Variants in PDE4B observed in about 807,000 individuals in gnomAD.
PDE4B encodes phosphodiesterase 4B.
In PDE4B, 20 loss-of-function variants were observed where a neutral mutation model predicts 82.2. The observed-to-expected ratio is 0.24, with a 90% confidence interval of 0.17 to 0.35. The LOEUF (loss-of-function observed/expected upper bound fraction) is 0.35. PDE4B is among the 10% of genes least tolerant of loss of function. PDE4B has a pLI of 1.00. For synonymous variants in PDE4B, 320 were observed against 318.9 expected, an observed-to-expected ratio of 1.00 and a Z score of -0.04; for missense variants, 655 against 907.2, an observed-to-expected ratio of 0.72 and a Z score of 3.57.
At chr1:66,166,702 C>G (rs1042928806) in intron 3 of PDE4B, among the ~76,000 whole-genome samples, 11 of 150,206 alleles carry the variant, frequency 7.3e-5, no homozygotes. Flanking sequence ...CCACTGCACT[C>G]CAGCCTGGGC....
chr1:66,254,229 A>G (rs1434431907), intron 4 of PDE4B, among the ~76,000 whole-genome samples: 1 of 152,170 alleles, frequency 6.6e-6, no homozygotes, highest in African/African-American at 2.4e-5. Context: ...CTAAAAAAAA[A>G]GAAAGAAAGA....
intron 3 of PDE4B, among the ~76,000 whole-genome samples, chr1:66,063,778 A>C (rs1180646050): frequency 6.6e-6 from 1 of 151,968 alleles, no homozygotes; most frequent in Non-Finnish European, 1.5e-5. Context: ...CGTTTCTTAA[A>C]TTTAAAAGTA....
chr1:65,872,835 T>A (rs545655815), intron 1 of PDE4B, among the ~76,000 whole-genome samples: 66 of 152,330 alleles, frequency 4.3e-4, no homozygotes, highest in Non-Finnish European at 8.1e-4. Flanking sequence ...TCATGTGATA[T>A]TCACAACTTC....
chr1:66,351,329 G>C (rs10493403), intron 8 of PDE4B, among the ~76,000 whole-genome samples: 12,117 of 152,232 alleles, frequency 0.08, 1,293 homozygotes, highest in African/African-American at 0.24. Context: ...ATGTGTTCCT[G>C]TTTGTGGATT....
chr1:66,139,556 G>A (rs1570324363), intron 3 of PDE4B, among the ~76,000 whole-genome samples: 1 of 152,092 alleles, frequency 6.6e-6, no homozygotes, highest in African/African-American at 2.4e-5. Flanking sequence ...CCTATCATAA[G>A]GTCTGTAACC....
At chr1:65,892,817 C>T (rs1215482674) in intron 1 of PDE4B, among the ~76,000 whole-genome samples, 1 of 152,070 alleles carries the variant, frequency 6.6e-6, no homozygotes. Flanking sequence ...GCATTACTCC[C>T]TTCTCTTTTT....
chr1:66,183,201 G>A (rs186321499), intron 3 of PDE4B, among the ~76,000 whole-genome samples: 73 of 152,116 alleles, frequency 4.8e-4, no homozygotes, highest in Non-Finnish European at 9.3e-4. Context: ...GACAATGATA[G>A]GAACACAGAG....
intron 3 of PDE4B, among the ~76,000 whole-genome samples, chr1:66,189,246 C>G (rs1185218769): frequency 1.3e-5 from 2 of 152,038 alleles, no homozygotes; most frequent in Non-Finnish European, 2.9e-5. Context: ...CCTGACCTTT[C>G]TCTCTGGCTG....
intron 3 of PDE4B, among the ~76,000 whole-genome samples, chr1:66,200,203 A>G (rs1318199461): frequency 1.3e-5 from 2 of 152,128 alleles, no homozygotes; most frequent in Non-Finnish European, 2.9e-5. Context: ...CCATTGGTCT[A>G]TATCTCTGTT....
intron 3 of PDE4B, among the ~76,000 whole-genome samples, chr1:66,108,364 G>C (rs966969873): frequency 1.3e-5 from 2 of 151,820 alleles, no homozygotes; most frequent in Non-Finnish European, 2.9e-5. Flanking sequence ...GAAAACATAG[G>C]GGAAAAGCTT....
rs551450621 is a variant in PDE4B at position 65,792,931 on chromosome 1, C to A, written c.-388C>A. On this transcript the variant is annotated 5_prime_UTR_variant, in exon 1 of 17. Coordinates refer to ENST00000341517, the MANE Select transcript of PDE4B (RefSeq NM_002600.4). ...GAAGAGCTGAGGGGCGCGTCGCCAGCGCCTGTGTCTCCCTGGCGCGGGTTC... is the reference window on the plus strand; with the variant it reads ...GAAGAGCTGAGGGGCGCGTCGCCAGAGCCTGTGTCTCCCTGGCGCGGGTTC... Among the ~76,000 whole-genome samples the A allele has an allele frequency of 2.0e-5, 3 of 152,006 alleles. No individual in the cohort carries two copies. Among genetic ancestry groups the A allele is most frequent in the Admixed American group, 1.3e-4 (2 of 15,284 alleles).
chr1:66,290,726 C>T (rs1657011239), intron 7 of PDE4B, among the ~76,000 whole-genome samples: 2 of 152,148 alleles, frequency 1.3e-5, no homozygotes, highest in African/African-American at 4.8e-5. Flanking sequence ...ACTATTATCC[C>T]TTACTAGTAT....
At chr1:65,973,608 C>T (rs1937438) in intron 3 of PDE4B, among the ~76,000 whole-genome samples, 97,910 of 151,958 alleles carry the variant, frequency 0.64, 31,661 homozygotes, top group African/African-American at 0.68. Flanking sequence ...AATATTCCAG[C>T]GCTATTGTGA....
Position 66,278,850 on chromosome 1 carries a change from T to TTGTG in PDE4B, c.634+12774_634+12777dup, listed in dbSNP as rs369771725. ...GCCGTGTGTGTGTGTGTATGTGTGT[T>TTGTG]TGTGTGTGTGTGTGGTGTGTGCATG... On this transcript the variant is annotated intron_variant, in intron 7 of 16. Coordinates refer to ENST00000341517, the MANE Select transcript of PDE4B (RefSeq NM_002600.4). Among the ~76,000 whole-genome samples the TTGTG allele has an allele frequency of 4.1e-3, 579 of 141,592 alleles. 4 individuals are homozygous for TTGTG. The highest frequency in any genetic ancestry group is 0.015 in the African/African-American group (553 of 37,188). The allele number at this position is 141,592 out of a possible 152,430, so 92.9% of individuals were successfully genotyped here. A position where few individuals can be genotyped will look rare whatever the true frequency, so the allele number is the denominator to read the frequency against.
intron 3 of PDE4B, among the ~76,000 whole-genome samples, chr1:65,984,011 C>A (rs1287918641): frequency 6.6e-6 from 1 of 152,124 alleles, no homozygotes; most frequent in African/African-American, 2.4e-5. Flanking sequence ...AGCTTATATT[C>A]ACACAAAAAC....
chr1:65,803,172 A>G (rs116308106), intron 1 of PDE4B, among the ~76,000 whole-genome samples: 3 of 152,232 alleles, frequency 2.0e-5, no homozygotes, highest in East Asian at 1.9e-4. Context: ...TTATTCTCCA[A>G]TTGATGTAGG....
chr1:65,896,893 C>T (rs536292758), intron 1 of PDE4B, among the ~76,000 whole-genome samples: 1 of 152,106 alleles, frequency 6.6e-6, no homozygotes, highest in African/African-American at 2.4e-5. Context: ...ATAAATAGCT[C>T]AAAAGCAGAG....
chr1:66,131,592 G>GATATATATACAT (rs1645945434), intron 3 of PDE4B, among the ~76,000 whole-genome samples: 1 of 32,842 alleles, frequency 3.0e-5, no homozygotes, highest in Non-Finnish European at 7.9e-5. Flanking sequence ...CTGAATGCCA[G>GATATATATACAT]ATATATATAT....
Position 65,895,549 on chromosome 1 carries a change from C to CAAA in PDE4B, c.-70-17676_-70-17674dup, listed in dbSNP as rs10605148. On this transcript the variant is annotated intron_variant, in intron 1 of 16. Coordinates refer to ENST00000341517, the MANE Select transcript of PDE4B (RefSeq NM_002600.4). ...TGTGTGACAGAGTGAGACACTGTCT[C>CAAA]AAAAAAAAAAAAAAAAAAAAAAGAC... Among the ~76,000 whole-genome samples the CAAA allele has an allele frequency of 6.2e-3, 573 of 91,916 alleles. 9 individuals carry two copies. The highest frequency in any genetic ancestry group is 0.025 in the African/African-American group (549 of 22,002). The allele number at this position is 91,916 out of a possible 152,430, so 60.3% of individuals were successfully genotyped here. A position where few individuals can be genotyped will look rare whatever the true frequency, so the allele number is the denominator to read the frequency against.
Sources: gnomAD v4.1 joint callset for allele counts (sites outside exome capture counted in the v4.1 genomes callset) on GRCh38, gnomAD v4.1.1 for gene constraint, MANE v1.5 for transcripts, NCBI Gene and HGNC (gene_info 2026-07-23, HGNC 2026-07-21) for gene names.